Variants in ANKS1B observed in about 807,000 individuals in gnomAD.
ANKS1B encodes the protein ankyrin repeat and sterile alpha motif domain containing 1B.
In ANKS1B, 36 loss-of-function variants were observed where a neutral mutation model predicts 148.3. The ratio of observed to expected loss-of-function variants is 0.24; its 90% CI spans 0.19 to 0.32. ANKS1B has a LOEUF of 0.32. Among genes scored for constraint, ANKS1B ranks in the 10% least tolerant of loss-of-function variants. The pLI is 1.00. For synonymous variants in ANKS1B, 542 were observed against 560.8 expected (o/e 0.97, Z 0.47); for missense variants, 1,157 against 1,542.6 (o/e 0.75, Z 4.19).
intron 17 of ANKS1B, among the ~76,000 whole-genome samples, chr12:98,988,963 G>A (rs981888812): frequency 1.3e-5 from 2 of 151,840 alleles, no homozygotes; most frequent in Admixed American, 6.6e-5. Flanking sequence ...CTGTGTTTTT[G>A]TTTTGCTATT....
At chr12:99,929,049 C>G (rs9308308) in intron 1 of ANKS1B, among the ~76,000 whole-genome samples, 91,733 of 152,030 alleles carry the variant, frequency 0.6, 28,798 homozygotes, top group Middle Eastern at 0.7. Context: ...TAATATTATA[C>G]AATTGCAGGA....
intron 1 of ANKS1B, among the ~76,000 whole-genome samples, chr12:99,884,628 A>G (rs2092722326): frequency 6.6e-6 from 1 of 152,240 alleles, no homozygotes; most frequent in Admixed American, 6.5e-5. Context: ...TGTAAAGTCA[A>G]AGATGACAGA....
intron 17 of ANKS1B, among the ~76,000 whole-genome samples, chr12:98,884,368 A>C (rs1299325509): frequency 6.6e-6 from 1 of 152,242 alleles, no homozygotes; most frequent in Non-Finnish European, 1.5e-5. Context: ...TGTTGGATTA[A>C]GAAAAGTTTA....
chr12:98,823,262 C>T (rs895691988), intron 19 of ANKS1B, among the ~76,000 whole-genome samples: 6 of 152,142 alleles, frequency 3.9e-5, no homozygotes, highest in African/African-American at 1.4e-4. Flanking sequence ...ATTGAGTGCA[C>T]TCTTGACCTT....
chr12:99,112,132 T>C (rs2060412569), intron 15 of ANKS1B, among the ~76,000 whole-genome samples: 1 of 152,122 alleles, frequency 6.6e-6, no homozygotes, highest in South Asian at 2.1e-4. Context: ...TAAAGGCCCG[T>C]GCAATGTGCT....
chr12:98,803,992 C>CT (rs1555342364), intron 20 of ANKS1B, among the ~76,000 whole-genome samples: 1 of 152,146 alleles, frequency 6.6e-6, no homozygotes, highest in South Asian at 2.1e-4. Context: ...ACTGAAATCC[C>CT]TTATTTGATA....
intron 9 of ANKS1B, among the ~76,000 whole-genome samples, chr12:99,577,946 G>A (rs1210716218): frequency 6.6e-6 from 1 of 152,032 alleles, no homozygotes; most frequent in African/African-American, 2.4e-5. Flanking sequence ...CAATATCTCT[G>A]ATGAACATAG....
intron 8 of ANKS1B, among the ~76,000 whole-genome samples, chr12:99,696,269 T>C (rs2053896287): frequency 6.6e-6 from 1 of 152,216 alleles, no homozygotes; most frequent in South Asian, 2.1e-4. Context: ...AGTCATTTTA[T>C]GGAGTCTACG....
chr12:99,608,557 T>C (rs1035567882), intron 9 of ANKS1B, among the ~76,000 whole-genome samples: 1 of 152,026 alleles, frequency 6.6e-6, no homozygotes, highest in East Asian at 1.9e-4. Context: ...TCAACCACCA[T>C]GAATCCAAAA....
intron 14 of ANKS1B, among the ~76,000 whole-genome samples, chr12:99,188,702 A>G (rs1227020666): frequency 6.6e-6 from 1 of 152,258 alleles, no homozygotes; most frequent in Non-Finnish European, 1.5e-5. Context: ...AGCACTGTTT[A>G]GAGGGACATT....
At chr12:98,943,557 CT>C (rs1348945284) in intron 17 of ANKS1B, among the ~76,000 whole-genome samples, 1 of 152,144 alleles carries the variant, frequency 6.6e-6, no homozygotes, top group Non-Finnish European at 1.5e-5. Context: ...CTTTCATTGT[CT>C]TGTGCCCACC....
At chr12:99,649,311 A>G in intron 9 of ANKS1B, 1 of 1,614,152 alleles carries the variant, frequency 6.2e-7, no homozygotes, top group Non-Finnish European at 8.5e-7. Flanking sequence ...AGTTTTGTGA[A>G]GAGAAGGAGC....
intron 8 of ANKS1B, among the ~76,000 whole-genome samples, chr12:99,713,150 A>AT (rs1022740695): frequency 2.6e-5 from 4 of 152,272 alleles, no homozygotes; most frequent in Admixed American, 2.6e-4. Flanking sequence ...GGATAATCCC[A>AT]TTTTTATTCC....
chr12:99,260,601 G>A, intron 12 of ANKS1B, among the ~76,000 whole-genome samples: 1 of 152,270 alleles, frequency 6.6e-6, no homozygotes, highest in African/African-American at 2.4e-5. Flanking sequence ...CAACTTTGCT[G>A]TTGCTATGGT....
chr12:98,995,804 C>A (rs1044662692), intron 17 of ANKS1B, among the ~76,000 whole-genome samples: 1 of 152,152 alleles, frequency 6.6e-6, no homozygotes, highest in African/African-American at 2.4e-5. Flanking sequence ...GAAGGTGATA[C>A]CTGACCCCTG....
chr12:99,721,132 A>G lies in ANKS1B; in HGVS notation c.1128+51790T>C, dbSNP rs188149319. Among the ~76,000 whole-genome samples the G allele has an allele frequency of 4.6e-3, 695 of 152,126 alleles. 5 individuals are homozygous for G. The highest frequency in any genetic ancestry group is 0.016 in the African/African-American group (670 of 41,458). On this transcript the variant is annotated intron_variant, in intron 8 of 26. Coordinates refer to ENST00000683438, the MANE Select transcript of ANKS1B (RefSeq NM_001352186.2). Reference sequence around the variant, plus strand: ...AAATGTTTCTTCTAACAACCCCACAATATCACCCCTTACCACAAAATCTTC... The same window carrying G: ...AAATGTTTCTTCTAACAACCCCACAGTATCACCCCTTACCACAAAATCTTC...
At chr12:99,465,619 C>CA (rs1462031295) in intron 10 of ANKS1B, among the ~76,000 whole-genome samples, 2 of 151,418 alleles carry the variant, frequency 1.3e-5, no homozygotes, top group Admixed American at 1.3e-4. Context: ...AAATGGAAAA[C>CA]AAAAAAAGGA....
At chr12:99,708,637 G>A (rs1305741981) in intron 8 of ANKS1B, among the ~76,000 whole-genome samples, 1 of 152,078 alleles carries the variant, frequency 6.6e-6, no homozygotes, top group South Asian at 2.1e-4. Context: ...CAACAGTTTA[G>A]TATCTTCTAT....
chr12:98,769,703 C>A (rs1210248660), intron 25 of ANKS1B, among the ~76,000 whole-genome samples: 1 of 152,072 alleles, frequency 6.6e-6, no homozygotes, highest in Admixed American at 6.6e-5. Flanking sequence ...TCCACAGAAA[C>A]CAGTTTTAGT....
Sources: gnomAD v4.1 joint callset for allele counts (sites outside exome capture counted in the v4.1 genomes callset) on GRCh38, gnomAD v4.1.1 for gene constraint, MANE v1.5 for transcripts, NCBI Gene and HGNC (gene_info 2026-07-23, HGNC 2026-07-21) for gene names.